Variants in KLF12 observed in about 807,000 individuals in gnomAD.
KLF12 encodes the protein KLF transcription factor 12, also known as Krueppel-like factor 12.
A neutral mutation model predicts 37.8 loss-of-function variants in KLF12; 9 were observed. The ratio of observed to expected loss-of-function variants is 0.24; its 90% confidence interval spans 0.14 to 0.42. The LOEUF (loss-of-function observed/expected upper bound fraction) is 0.42, where lower values mean the gene tolerates loss of function less well. Ranked by LOEUF, KLF12 falls within the 10% of genes least tolerant of loss-of-function variation. The pLI, the probability that KLF12 is intolerant of heterozygous loss-of-function variation, is 1.00. For missense variants in KLF12, 411 were observed against 516.0 expected (o/e 0.80, Z 1.97); for synonymous variants, 208 against 202.1 (o/e 1.03, Z -0.25).
intron 6 of KLF12, among the ~76,000 whole-genome samples, chr13:73,729,418 T>C (rs577234512): frequency 6.6e-6 from 1 of 152,152 alleles, no homozygotes; most frequent in Non-Finnish European, 1.5e-5. Context: ...GCACCAAACA[T>C]AAGCTTAGAA....
intron 3 of KLF12, among the ~76,000 whole-genome samples, chr13:73,925,118 T>C (rs955192030): frequency 1.6e-4 from 25 of 152,248 alleles, no homozygotes; most frequent in African/African-American, 5.1e-4. Flanking sequence ...TGTGGCAAGT[T>C]ATCTGGAAGA....
chr13:73,726,668 G>A (rs1876692867), intron 6 of KLF12, among the ~76,000 whole-genome samples: 1 of 152,104 alleles, frequency 6.6e-6, no homozygotes, highest in African/African-American at 2.4e-5. Flanking sequence ...TTACTTTATG[G>A]ACATCACATT....
intron 3 of KLF12, among the ~76,000 whole-genome samples, chr13:73,861,723 T>A (rs1249529463): frequency 6.6e-6 from 1 of 152,178 alleles, no homozygotes; most frequent in Non-Finnish European, 1.5e-5. Context: ...CTTCTCTAAC[T>A]CTTCCATATG....
At chr13:74,070,317 AACGACC>A (rs1320263059) in intron 1 of KLF12, among the ~76,000 whole-genome samples, 2 of 152,222 alleles carry the variant, frequency 1.3e-5, no homozygotes, top group Admixed American at 1.3e-4. Flanking sequence ...TTAGCAGGTA[AACGACC>A]ACTAGCCAAG....
intron 5 of KLF12, among the ~76,000 whole-genome samples, chr13:73,777,696 G>A (rs1880700724): frequency 6.8e-6 from 1 of 147,226 alleles, no homozygotes; most frequent in Non-Finnish European, 1.5e-5. Flanking sequence ...CAACAAGAAT[G>A]AAACTCCATT....
intron 3 of KLF12, among the ~76,000 whole-genome samples, chr13:73,852,828 G>C (rs1240932470): frequency 6.6e-6 from 1 of 150,674 alleles, no homozygotes; most frequent in African/African-American, 2.4e-5. Flanking sequence ...AAAATTTGAA[G>C]TCTATACATC....
chr13:74,261,766 T>C, the KLF12 span, among the ~76,000 whole-genome samples: 6 of 152,256 alleles, frequency 3.9e-5, no homozygotes, highest in Non-Finnish European at 8.8e-5. Flanking sequence ...GGATTTGCTA[T>C]GAAGCCATTT....
In KLF12 at chr13:73,846,321, T is replaced by C; in HGVS notation, c.176A>G (p.Asn59Ser). 6.2e-7 allele frequency: 1 copy of C among 1,613,984 alleles called. No individual in the cohort carries two copies. Among genetic ancestry groups the C allele is most frequent in the Non-Finnish European group, 8.5e-7 (1 of 1,179,990 alleles). Residue 59 changes from asparagine to serine, a missense_variant, in exon 4 of 8, where the codon AAT becomes AGT. This residue lies in a region of KLF12 where 351 missense variants were observed against 397.8 expected (regional missense o/e 0.88). Transcript: ENST00000377669. ...CTCCGGGGGCTCCCCTTTCACATTA[T>C]TTAGCAACAGGGGAACGGCTTCCAT...
the KLF12 span, among the ~76,000 whole-genome samples, chr13:74,218,670 C>A: frequency 1.3e-5 from 2 of 152,082 alleles, no homozygotes; most frequent in Non-Finnish European, 2.9e-5. Context: ...GCTAATTGAC[C>A]TACACAGGAA....
chr13:74,176,400 A>G, the KLF12 span, among the ~76,000 whole-genome samples: 112 of 152,294 alleles, frequency 7.4e-4, no homozygotes, highest in Non-Finnish European at 1.4e-3. Context: ...TTATCCCGGA[A>G]GACTTCTCTG....
the KLF12 span, among the ~76,000 whole-genome samples, chr13:74,270,022 G>A: frequency 1.3e-5 from 2 of 152,218 alleles, no homozygotes; most frequent in African/African-American, 2.4e-5. Flanking sequence ...CATTCCAGTG[G>A]AGAGGTCTTA....
At chr13:73,976,489 T>C (rs181254594) in intron 2 of KLF12, among the ~76,000 whole-genome samples, 22 of 152,246 alleles carry the variant, frequency 1.4e-4, no homozygotes, top group Admixed American at 2.6e-4. Flanking sequence ...CTATGTCAGG[T>C]GTTAACACTC....
chr13:73,748,923 T>C (rs1315970751), intron 6 of KLF12, among the ~76,000 whole-genome samples: 3 of 152,212 alleles, frequency 2.0e-5, no homozygotes, highest in Non-Finnish European at 4.4e-5. Flanking sequence ...ATGTCAGTTT[T>C]AAAGGCCTTG....
chr13:74,217,300 A>T, the KLF12 span, among the ~76,000 whole-genome samples: 4 of 148,268 alleles, frequency 2.7e-5, no homozygotes, highest in Admixed American at 6.7e-5. Context: ...TCATTGTGGC[A>T]TAATAGATGA....
At chr13:73,712,993 A>C (rs1449493097) in intron 7 of KLF12, among the ~76,000 whole-genome samples, 1 of 152,200 alleles carries the variant, frequency 6.6e-6, no homozygotes, top group African/African-American at 2.4e-5. Context: ...AACCCACAGG[A>C]TCTTTGAGGT....
intron 1 of KLF12, among the ~76,000 whole-genome samples, chr13:74,093,525 T>A (rs1178706905): frequency 6.6e-6 from 1 of 152,084 alleles, no homozygotes. Context: ...TTCCTTTTAA[T>A]GAAAAAGAAC....
chr13:74,209,892 A>T, the KLF12 span, among the ~76,000 whole-genome samples: 1 of 152,214 alleles, frequency 6.6e-6, no homozygotes, highest in Non-Finnish European at 1.5e-5. Context: ...GAAAAGAGAT[A>T]AGAATCAGGC....
upstream of KLF12, among the ~76,000 whole-genome samples, chr13:74,135,545 C>T (rs1362323310): frequency 6.6e-6 from 1 of 151,338 alleles, no homozygotes; most frequent in Non-Finnish European, 1.5e-5. Context: ...GGGGTCAGCG[C>T]CGAGCCGGAG....
chr13:73,754,479 T>A, intron 6 of KLF12, among the ~76,000 whole-genome samples: 1 of 152,110 alleles, frequency 6.6e-6, no homozygotes, highest in East Asian at 1.9e-4. Flanking sequence ...GAAAAGAGCA[T>A]CAGCCACACA....
Sources: allele counts gnomAD v4.1 joint callset (sites outside exome capture counted in the v4.1 genomes callset), GRCh38; gene constraint gnomAD v4.1.1; regional missense constraint gnomAD v4.1.1; transcripts MANE v1.5; gene names NCBI Gene and HGNC (gene_info 2026-07-23, HGNC 2026-07-21).